The following PTDSS1 variants were observed in gnomAD, a reference collection of about 807,000 sequenced individuals.
PTDSS1 encodes the protein phosphatidylserine synthase 1.
In PTDSS1, 45 loss-of-function variants were observed where a neutral mutation model predicts 70.5. The observed-to-expected ratio is 0.64, with a 90% CI of 0.50 to 0.82. PTDSS1 has a LOEUF of 0.82. Among genes scored for constraint, PTDSS1 ranks in the 40% least tolerant of loss-of-function variants. The pLI is 0.00. For missense variants in PTDSS1, 417 were observed against 586.1 expected (o/e 0.71, Z 2.98); for synonymous variants, 188 against 203.8 (o/e 0.92, Z 0.66).
chr8:96,272,184 G>A (rs932720338), intron 1 of PTDSS1, among the ~76,000 whole-genome samples: 3 of 151,830 alleles, frequency 2.0e-5, no homozygotes, highest in African/African-American at 4.8e-5. Flanking sequence ...CTTTTCCTTC[G>A]ATTTTGTTAC....
chr8:96,322,121 C>G (rs1811380434), intron 10 of PTDSS1, among the ~76,000 whole-genome samples: 1 of 152,160 alleles, frequency 6.6e-6, no homozygotes, highest in East Asian at 1.9e-4. Context: ...ACAAGACAGA[C>G]AGCCCTCCTC....
At chr8:96,264,784 T>A (rs550860982) in intron 1 of PTDSS1, among the ~76,000 whole-genome samples, 1 of 152,294 alleles carries the variant, frequency 6.6e-6, no homozygotes, top group East Asian at 1.9e-4. Flanking sequence ...AGTGAAAGTA[T>A]AAGAAATGAA....
intron 9 of PTDSS1, among the ~76,000 whole-genome samples, chr8:96,317,083 GGAGAGAGAGAGAGACA>G (rs1188892685): frequency 0.013 from 1,751 of 139,646 alleles, 31 homozygotes; most frequent in African/African-American, 0.045. Context: ...ATATATATAT[GGAGAGAGAGAGAGACA>G]GAGAGAGAGA....
At chr8:96,333,419 A>G in intron 12 of PTDSS1, 38 bp from the exon 13 acceptor site, 7 of 1,564,180 alleles carry the variant, frequency 4.5e-6, no homozygotes, top group Non-Finnish European at 5.3e-6. Context: ...CAATCTCCAG[A>G]GCCCAGGGTG....
chr8:96,308,435 G>A (rs979777935), intron 8 of PTDSS1, among the ~76,000 whole-genome samples: 1 of 152,194 alleles, frequency 6.6e-6, no homozygotes, highest in African/African-American at 2.4e-5. Flanking sequence ...TTAATGCAAA[G>A]TGTTATGCCT....
chr8:96,323,382 G>T (rs1811398401), intron 10 of PTDSS1, among the ~76,000 whole-genome samples: 1 of 152,232 alleles, frequency 6.6e-6, no homozygotes, highest in African/African-American at 2.4e-5. Flanking sequence ...AGACTTCTAG[G>T]CAGTTCGCCG....
At chr8:96,292,304 A>G (rs1810918604) in intron 4 of PTDSS1, among the ~76,000 whole-genome samples, 1 of 151,686 alleles carries the variant, frequency 6.6e-6, no homozygotes, top group African/African-American at 2.4e-5. Flanking sequence ...AAAAAAAAAA[A>G]AAAAAAGAAA....
chr8:96,264,857 T>C (rs906026391), intron 1 of PTDSS1, among the ~76,000 whole-genome samples: 2 of 152,302 alleles, frequency 1.3e-5, no homozygotes, highest in South Asian at 2.1e-4. Flanking sequence ...CAGACTGTAG[T>C]CTCATCCAAA....
intron 4 of PTDSS1, among the ~76,000 whole-genome samples, chr8:96,293,583 G>A (rs1810936042): frequency 6.6e-6 from 1 of 152,242 alleles, no homozygotes; most frequent in East Asian, 1.9e-4. Context: ...CCAGGACAAG[G>A]ACCTCAGGTC....
intron 4 of PTDSS1, 146 bp downstream of exon 4, chr8:96,287,292 T>G (rs1810837971): frequency 5.5e-6 from 6 of 1,082,316 alleles, no homozygotes; most frequent in African/African-American, 3.2e-5. Context: ...GGTTGTTGAG[T>G]TGCATGGTTG....
At chr8:96,285,178 A>C (rs1364679872) in intron 3 of PTDSS1, among the ~76,000 whole-genome samples, 1 of 152,252 alleles carries the variant, frequency 6.6e-6, no homozygotes, top group East Asian at 1.9e-4. Flanking sequence ...GGGAGGCCTG[A>C]GGGAGTGATG....
At chr8:96,290,741 C>T (rs1810891551) in intron 4 of PTDSS1, among the ~76,000 whole-genome samples, 1 of 151,874 alleles carries the variant, frequency 6.6e-6, no homozygotes, top group South Asian at 2.1e-4. Flanking sequence ...TCCACTCCTT[C>T]ATGTTGCTAC....
chr8:96,305,701 A>G (rs1331258854), intron 7 of PTDSS1, among the ~76,000 whole-genome samples: 5 of 151,436 alleles, frequency 3.3e-5, no homozygotes, highest in Admixed American at 3.3e-4. Flanking sequence ...TTTTTTTGAG[A>G]TGGAGTTTTA....
At chr8:96,327,273 G>A (rs1465585982) in intron 10 of PTDSS1, among the ~76,000 whole-genome samples, 2 of 152,180 alleles carry the variant, frequency 1.3e-5, no homozygotes, top group Non-Finnish European at 2.9e-5. Flanking sequence ...GGAGCTGACT[G>A]AGGCTGGGAT....
chr8:96,333,006 T>G (rs909235804), intron 12 of PTDSS1, among the ~76,000 whole-genome samples: 4 of 152,194 alleles, frequency 2.6e-5, no homozygotes, highest in African/African-American at 7.2e-5. Context: ...TAGCTCTGAT[T>G]TTATAGTGTC....
At chr8:96,299,626 AATCT>A in intron 5 of PTDSS1, 64 bp from the exon 6 acceptor site, 2 of 1,425,132 alleles carry the variant, frequency 1.4e-6, no homozygotes, top group South Asian at 2.8e-5. Flanking sequence ...TTAAAAAGGA[AATCT>A]ATCTATCTGC....
intron 2 of PTDSS1, among the ~76,000 whole-genome samples, chr8:96,274,774 G>A (rs149819608): frequency 0.012 from 1,754 of 152,202 alleles, 36 homozygotes; most frequent in African/African-American, 0.041. Flanking sequence ...AGTTAGGAGC[G>A]TCACTCTGGA....
chr8:96,316,873 A>G (rs1305128246), intron 9 of PTDSS1, among the ~76,000 whole-genome samples: 1 of 152,040 alleles, frequency 6.6e-6, no homozygotes, highest in African/African-American at 2.4e-5. Context: ...ACACGCCTGT[A>G]GTCCCAGCTA....
chr8:96,325,008 C>G (rs1412761720), intron 10 of PTDSS1, among the ~76,000 whole-genome samples: 1 of 152,186 alleles, frequency 6.6e-6, no homozygotes, highest in African/African-American at 2.4e-5. Flanking sequence ...AGTGCTCTTC[C>G]GTGCTGTGCC....
Sources: allele counts gnomAD v4.1 joint callset (sites outside exome capture counted in the v4.1 genomes callset), GRCh38; gene constraint gnomAD v4.1.1; transcripts MANE v1.5; gene names NCBI Gene and HGNC (gene_info 2026-07-23, HGNC 2026-07-21).